Variants in NF1 observed in about 807,000 individuals in gnomAD.
The protein encoded by NF1 is neurofibromin.
In NF1, 122 loss-of-function variants were observed where a neutral mutation model predicts 325.7. That is an observed-to-expected ratio of 0.37 (90% CI 0.32 to 0.44). The LOEUF (loss-of-function observed/expected upper bound fraction) is 0.44, where lower values mean the gene tolerates loss of function less well. NF1 is among the 20% of genes least tolerant of loss of function. The pLI is 1.00. For synonymous variants in NF1, 1,091 were observed against 1,186.0 expected (o/e 0.92, Z 1.65); for missense variants, 2,140 against 3,415.4 (o/e 0.63, Z 9.31).
chr17:31,218,656 C>G (rs1213070636), intron 13 of NF1, among the ~76,000 whole-genome samples: 1 of 152,096 alleles, frequency 6.6e-6, no homozygotes, highest in African/African-American at 2.4e-5. Context: ...ACTGCAACCA[C>G]CGCCTCCCAG....
Position 31,235,791 on chromosome 17 carries a change from G to T in NF1, c.3870+19G>T, listed in dbSNP as rs762080133. ...TTTCAAGGTTTGTATCATTCATTTT[G>T]TGTGTATGTGTGTGCTGAGGTATGT... On this transcript the variant is annotated intron_variant, in intron 28 of 57. Transcript: ENST00000358273. 1 of 1,614,016 alleles carries T rather than the reference G, an allele frequency of 6.2e-7. No individual in the cohort carries two copies. Among genetic ancestry groups the T allele is most frequent in the South Asian group, 1.1e-5 (1 of 91,090 alleles).
chr17:31,360,479 C>T lies in NF1; in HGVS notation c.8161-8C>T, dbSNP rs1425972521. On this transcript the variant is annotated splice_region_variant and splice_polypyrimidine_tract_variant and intron_variant, in intron 56 of 57. Transcript: ENST00000358273. Reference sequence around the variant, plus strand: ...GGAACTAAAATAATTTCCTATTTTCCATTACAGCAAACACAAATTCCAGAC... The same window carrying T: ...GGAACTAAAATAATTTCCTATTTTCTATTACAGCAAACACAAATTCCAGAC... 7.4e-6 allele frequency: 12 copies of T among 1,612,508 alleles called. No homozygotes were observed. Among genetic ancestry groups the T allele is most frequent in the Middle Eastern group, 1.6e-4 (1 of 6,062 alleles).
chr17:31,359,162 A>C, intron 56 of NF1, 147 bp downstream of exon 56: 1 of 708,986 alleles, frequency 1.4e-6, no homozygotes, highest in Non-Finnish European at 2.4e-6. Flanking sequence ...AAAGTTTCTC[A>C]TCACAAGGTT....
chr17:31,359,254 G>T (rs900627729), intron 56 of NF1: 2 of 508,860 alleles, frequency 3.9e-6, no homozygotes, highest in African/African-American at 3.8e-5. Context: ...TTTTTCAGAA[G>T]AGTATGATAA....
At chr17:31,199,702 A>C (rs2066492683) in intron 8 of NF1, among the ~76,000 whole-genome samples, 1 of 152,192 alleles carries the variant, frequency 6.6e-6, no homozygotes, top group Non-Finnish European at 1.5e-5. Context: ...AACAGCCTTG[A>C]ATATATTCTT....
At chr17:31,187,632 G>T (rs2066265514) in intron 8 of NF1, among the ~76,000 whole-genome samples, 1 of 152,080 alleles carries the variant, frequency 6.6e-6, no homozygotes, top group African/African-American at 2.4e-5. Context: ...TTTCCAGAAG[G>T]CTGTGTATGC....
At chr17:31,349,415 AT>A (rs1413461700) in intron 49 of NF1, among the ~76,000 whole-genome samples, 164 bp downstream of exon 49, 2 of 152,268 alleles carry the variant, frequency 1.3e-5, no homozygotes, top group East Asian at 3.9e-4. Flanking sequence ...TTGCCAGAAC[AT>A]TTTTCTGTAG....
At chr17:31,181,646 T>G (rs1467981394) in intron 6 of NF1, 64 bp from the exon 7 acceptor site, 12 of 1,345,322 alleles carry the variant, frequency 8.9e-6, no homozygotes, top group Non-Finnish European at 1.2e-5. Flanking sequence ...GTTAGAAGTT[T>G]GTGACATTTT....
chr17:31,234,376 TAAAG>T (rs2067164100), intron 27 of NF1, among the ~76,000 whole-genome samples: 1 of 152,042 alleles, frequency 6.6e-6, no homozygotes, highest in South Asian at 2.1e-4. Context: ...ATTTTTTAAA[TAAAG>T]AATCAGTTAA....
chr17:31,316,003 C>A (rs1043763858), intron 36 of NF1, among the ~76,000 whole-genome samples: 7 of 152,212 alleles, frequency 4.6e-5, no homozygotes, highest in African/African-American at 1.4e-4. Context: ...CTCAAGCAAT[C>A]CTCCTGCCTC....
intron 9 of NF1, 150 bp downstream of exon 9, chr17:31,200,745 C>A: frequency 1.0e-6 from 1 of 959,444 alleles, no homozygotes; most frequent in Non-Finnish European, 1.6e-6. Context: ...TTACTGTGTT[C>A]ATCAGCCTAA....
At chr17:31,285,795 G>A (rs1180912697) in intron 36 of NF1, among the ~76,000 whole-genome samples, 7 of 152,200 alleles carry the variant, frequency 4.6e-5, no homozygotes, top group Admixed American at 4.6e-4. Context: ...CTCCAGCCTG[G>A]GTGACAGTGA....
At chr17:31,357,727 A>G in intron 54 of NF1, 1 of 298,398 alleles carries the variant, frequency 3.4e-6, no homozygotes, top group Non-Finnish European at 6.4e-6. Context: ...AGCTGAGTGA[A>G]AACAAAATTG....
Position 31,368,801 on chromosome 17 carries a change from T to A in NF1, c.8378-5212T>A, listed in dbSNP as rs533436470. Among the ~76,000 whole-genome samples, 20 of 152,338 alleles carry A rather than the reference T, an allele frequency of 1.3e-4. No homozygotes were observed. In the South Asian group the frequency reaches 4.1e-3, roughly 32 times the overall value. On this transcript the variant is annotated intron_variant, in intron 57 of 57. Transcript: ENST00000358273. Reference sequence around the variant, plus strand: ...AGACAAGTCTGCTGTTATCCTTAATTGCCAGATTAAGAATTACAACTAAAT... The same window carrying A: ...AGACAAGTCTGCTGTTATCCTTAATAGCCAGATTAAGAATTACAACTAAAT...
At chr17:31,176,983 T>C (rs2066035198) in intron 5 of NF1, among the ~76,000 whole-genome samples, 1 of 152,244 alleles carries the variant, frequency 6.6e-6, no homozygotes, top group Non-Finnish European at 1.5e-5. Flanking sequence ...GTCGTGGTTA[T>C]GCGGGCTCTT....
intron 36 of NF1, among the ~76,000 whole-genome samples, chr17:31,286,361 T>C (rs1417688647): frequency 2.0e-5 from 3 of 152,180 alleles, no homozygotes; most frequent in Admixed American, 2.0e-4. Flanking sequence ...CCCAAAGTGC[T>C]TACAGGCGTG....
chr17:31,265,544 A>G (rs944576662), intron 36 of NF1, among the ~76,000 whole-genome samples: 15 of 151,646 alleles, frequency 9.9e-5, no homozygotes, highest in Non-Finnish European at 2.9e-5. Flanking sequence ...CCCATTTCAT[A>G]TTGCTTACTC....
In NF1 at chr17:31,336,923, TA is replaced by T. The variant is rs771846560; in HGVS notation, c.6427+10del. ...ACAGCTTCATTTTAGTGGTAAGTTC[TA>T]GGAAAGGAATTTGTGTTTACCAGTT... On this transcript the variant is annotated intron_variant, in intron 42 of 57. Coordinates refer to ENST00000358273, the MANE Select transcript of NF1 (RefSeq NM_001042492.3). This position sits in a 1 kb window ranked among gnomAD's most constrained non-coding sequence, Gnocchi z 5.5. The T allele has an allele frequency of 5.0e-6, 8 of 1,606,840 alleles. No homozygotes were observed. The highest frequency in any genetic ancestry group is 2.2e-5 in the South Asian group (2 of 90,988).
chr17:31,259,066 C>T lies in NF1; in HGVS notation c.4367C>T (p.Thr1456Ile). Residue 1456 changes from threonine (T) to isoleucine (I), a missense_variant, in exon 33 of 58, where the codon ACA becomes ATA. Around this residue, in one of 10 missense-constraint regions of NF1, gnomAD observed 336 missense variants for 399.0 expected, o/e 0.84. Coordinates refer to ENST00000358273, the MANE Select transcript of NF1 (RefSeq NM_001042492.3). ...AGTATTGCCAATCATGTTCTCTTCACAAAAGAAGAACATATGCGGCCTTTC... is the reference window on the plus strand; with the variant it reads ...AGTATTGCCAATCATGTTCTCTTCATAAAAGAAGAACATATGCGGCCTTTC... ...LQSIANHVLF[T>I]KEEHMRPFND... The T allele has an allele frequency of 6.2e-7, 1 of 1,604,162 alleles. No homozygotes were observed. The highest frequency in any genetic ancestry group is 1.1e-5 in the South Asian group (1 of 89,858).
Sources: allele counts gnomAD v4.1 joint callset (sites outside exome capture counted in the v4.1 genomes callset), GRCh38; gene constraint gnomAD v4.1.1; regional missense constraint gnomAD v4.1.1; non-coding constraint Gnocchi (gnomAD v3.1); transcripts MANE v1.5; gene names NCBI Gene and HGNC (gene_info 2026-07-23, HGNC 2026-07-21).